The following LAMA3 variants were observed in gnomAD, a reference collection of about 807,000 sequenced individuals.
LAMA3 encodes the protein laminin subunit alpha-3.
A neutral mutation model predicts 402.0 loss-of-function variants in LAMA3; 281 were observed. That is an observed-to-expected ratio of 0.70 (90% CI 0.63 to 0.77). LAMA3 has a LOEUF of 0.77. Ranked by LOEUF, LAMA3 falls within the 30% of genes least tolerant of loss-of-function variation. The pLI, the probability that LAMA3 is intolerant of heterozygous loss-of-function variation, is 0.00. For missense variants in LAMA3, 3,840 were observed against 4,215.5 expected (o/e 0.91, Z 2.47); for synonymous variants, 1,431 against 1,558.4 (o/e 0.92, Z 1.93).
In LAMA3 at chr18:23,815,051, G is replaced by A. The variant is rs376885133; in HGVS notation, c.1889-137G>A. 1.2e-3 allele frequency: 925 copies of A among 759,784 alleles called. 16 individuals carry two copies. The South Asian group carries it at 0.013, about 11-fold the overall frequency. The allele number at this position is 759,784 out of a possible 1,614,324, so 47.1% of individuals were successfully genotyped here. On this transcript the variant is annotated intron_variant, in intron 15 of 74. Coordinates refer to ENST00000313654, the MANE Select transcript of LAMA3 (RefSeq NM_198129.4). ...AAGCAGTCTAATTTTAGGCCTCAGC[G>A]ATGCAAACTCTCATTCTGTTGAACT... is the stretch of plus-strand genomic sequence containing the variant.
chr18:23,846,320 G>C lies in LAMA3; in HGVS notation c.3743G>C (p.Cys1248Ser). 1 of 1,614,266 alleles carries C rather than the reference G, an allele frequency of 6.2e-7. No individual in the cohort carries two copies. The highest frequency in any genetic ancestry group is 8.5e-7 in the Non-Finnish European group (1 of 1,180,046). ...YLDPQTASRF[C>S]KNSARSLVAF... Reference sequence around the variant, plus strand: ...AGCCCCCAGACAGCCTCCAGATTCTGTAAGAATTCCGCCAGGTCCCTGGTG... The same window carrying C: ...AGCCCCCAGACAGCCTCCAGATTCTCTAAGAATTCCGCCAGGTCCCTGGTG... The change falls in exon 31 of 75, where the codon TGT becomes TCT. Residue 1248 changes from cysteine (C) to serine (S), a missense_variant. This residue lies in a region of LAMA3 where 2,109 missense variants were observed against 2,376.0 expected (regional missense o/e 0.89). Coordinates refer to ENST00000313654, the MANE Select transcript of LAMA3 (RefSeq NM_198129.4).
chr18:23,696,563 C>T (rs990740217), intron 1 of LAMA3, among the ~76,000 whole-genome samples: 2 of 151,940 alleles, frequency 1.3e-5, no homozygotes, highest in East Asian at 1.9e-4. Flanking sequence ...TGCAGTGGTG[C>T]GATCTCGGCT....
At chr18:23,798,334 A>T (rs1009456519) in intron 12 of LAMA3, among the ~76,000 whole-genome samples, 1 of 152,140 alleles carries the variant, frequency 6.6e-6, no homozygotes, top group Non-Finnish European at 1.5e-5. Flanking sequence ...CAGGGCCCAG[A>T]ACCATCCCCA....
chr18:23,809,900 G>T (rs1330300765), intron 12 of LAMA3, among the ~76,000 whole-genome samples: 1 of 152,070 alleles, frequency 6.6e-6, no homozygotes, highest in Non-Finnish European at 1.5e-5. Flanking sequence ...TATCAAGTGG[G>T]ATATGGAATT....
chr18:23,761,316 ATTG>A (rs1386528746), intron 7 of LAMA3, among the ~76,000 whole-genome samples: 1 of 152,208 alleles, frequency 6.6e-6, no homozygotes, highest in African/African-American at 2.4e-5. Flanking sequence ...AAACAAATAT[ATTG>A]TTGCTTGCTG....
intron 70 of LAMA3, among the ~76,000 whole-genome samples, chr18:23,949,154 G>A (rs1194629385): frequency 1.3e-5 from 2 of 152,172 alleles, no homozygotes; most frequent in South Asian, 2.1e-4. Context: ...GGGGCTCCAC[G>A]CAAGCCCACT....
intron 12 of LAMA3, among the ~76,000 whole-genome samples, chr18:23,787,575 G>C (rs1006624137): frequency 1.3e-5 from 2 of 151,398 alleles, no homozygotes; most frequent in Non-Finnish European, 2.9e-5. Flanking sequence ...TTGAAAGCAG[G>C]AAAAAAAAGA....
At chr18:23,899,522 G>A in intron 47 of LAMA3, 67 bp downstream of exon 47, 1 of 1,483,864 alleles carries the variant, frequency 6.7e-7, no homozygotes, top group Non-Finnish European at 9.4e-7. Context: ...CGTGCAGAGT[G>A]CAATGTAGAG....
chr18:23,710,060 G>T, intron 1 of LAMA3: 2 of 764,922 alleles, frequency 2.6e-6, no homozygotes, highest in Admixed American at 1.7e-5. Flanking sequence ...GCAGAAACTT[G>T]ATGATAGCAT....
intron 2 of LAMA3, among the ~76,000 whole-genome samples, chr18:23,719,198 GAAGA>G (rs528796493): frequency 3.3e-5 from 5 of 152,152 alleles, no homozygotes; most frequent in Non-Finnish European, 5.9e-5. Flanking sequence ...AACTAAGACA[GAAGA>G]AAGAGAGTCC....
chr18:23,909,064 C>T lies in LAMA3; in HGVS notation c.7016-89C>T. The T allele has an allele frequency of 2.3e-6, 3 of 1,281,252 alleles. No individual in the cohort carries two copies. The South Asian group carries it at 3.6e-5, about 15-fold the overall frequency. 79.4% of individuals were successfully genotyped at this position (1,281,252 alleles called of 1,614,324 possible). A position where few individuals can be genotyped will look rare whatever the true frequency, so the allele number is the denominator to read the frequency against. On this transcript the variant is annotated intron_variant, in intron 54 of 74. Coordinates refer to ENST00000313654, the MANE Select transcript of LAMA3 (RefSeq NM_198129.4). ...TTCAACATCTGGGGACCAAACATGC[C>T]ACTTGACAAATACTGTCAGTAAGAA...
chr18:23,799,378 T>C (rs1223795877), intron 12 of LAMA3, among the ~76,000 whole-genome samples: 2 of 152,152 alleles, frequency 1.3e-5, no homozygotes, highest in Non-Finnish European at 2.9e-5. Context: ...CTAGAGTTGG[T>C]GTTTGGGATT....
chr18:23,790,162 A>G (rs2062622722), intron 12 of LAMA3, among the ~76,000 whole-genome samples: 1 of 152,042 alleles, frequency 6.6e-6, no homozygotes, highest in African/African-American at 2.4e-5. Context: ...TATTCTTTAA[A>G]CCCCTTCATC....
At chr18:23,877,541 C>T (rs746535693) in intron 39 of LAMA3, among the ~76,000 whole-genome samples, 1 of 152,134 alleles carries the variant, frequency 6.6e-6, no homozygotes, top group African/African-American at 2.4e-5. Context: ...TTGTGTAATG[C>T]AACTAGAGTG....
intron 1 of LAMA3, among the ~76,000 whole-genome samples, chr18:23,694,055 C>A (rs140698935): frequency 5.9e-5 from 9 of 152,276 alleles, no homozygotes; most frequent in African/African-American, 2.2e-4. Flanking sequence ...CTGATTAGAT[C>A]CCTCATGTCA....
intron 40 of LAMA3, among the ~76,000 whole-genome samples, chr18:23,882,436 C>A (rs563639022): frequency 6.6e-6 from 1 of 152,130 alleles, no homozygotes; most frequent in South Asian, 2.1e-4. Flanking sequence ...TCGAGACCAG[C>A]CTGGCCAACA....
intron 62 of LAMA3, among the ~76,000 whole-genome samples, chr18:23,926,859 G>A (rs1215885821): frequency 6.6e-6 from 1 of 152,212 alleles, no homozygotes; most frequent in African/African-American, 2.4e-5. Context: ...TAATATGGGA[G>A]TAGTTACTAA....
rs773608504 is a variant in LAMA3 at position 23,860,365 on chromosome 18, C to T, written c.4423-1281C>T. On this transcript the variant is annotated intron_variant, in intron 34 of 74. Transcript: ENST00000313654. Reference sequence around the variant, plus strand: ...CCTTCGCTTCCAGGGCTCAAGCAATCTTCCTGCCTCAGCCTCCTGAGTAGC... The same window carrying T: ...CCTTCGCTTCCAGGGCTCAAGCAATTTTCCTGCCTCAGCCTCCTGAGTAGC... Among the ~76,000 whole-genome samples, 140 of 145,288 alleles carry T rather than the reference C, an allele frequency of 9.6e-4. 2 individuals carry two copies. The highest frequency in any genetic ancestry group is 3.3e-3 in the Admixed American group (46 of 14,068).
chr18:23,907,619 ACACCAATCT>A lies in LAMA3; in HGVS notation c.6792_6800del (p.Asn2265_Thr2267del). The stretch of plus-strand genomic sequence containing the variant: ...GTGACAGTTCAGAAAGAAGTGATAG[ACACCAATCT>A]CACAACTCTCCGAGATGGTCTTCAT... On this transcript the variant is annotated inframe_deletion, in exon 53 of 75. Coordinates refer to ENST00000313654, the MANE Select transcript of LAMA3 (RefSeq NM_198129.4). 6.2e-7 allele frequency: 1 copy of A among 1,614,096 alleles called. No individual in the cohort carries two copies. The highest frequency in any genetic ancestry group is 8.5e-7 in the Non-Finnish European group (1 of 1,179,904).
Sources: gnomAD v4.1 joint callset for allele counts (sites outside exome capture counted in the v4.1 genomes callset) on GRCh38, gnomAD v4.1.1 for gene constraint, gnomAD v4.1.1 regional missense constraint, MANE v1.5 for transcripts, NCBI Gene and HGNC (gene_info 2026-07-23, HGNC 2026-07-21) for gene names.